The following DCC variants were observed in gnomAD, a reference collection of about 807,000 sequenced individuals.
The protein encoded by DCC is netrin receptor DCC.
Under a neutral mutation model 172.5 loss-of-function variants are expected in DCC, and 58 were observed. The ratio of observed to expected loss-of-function variants is 0.34; its 90% CI spans 0.27 to 0.42. The LOEUF (loss-of-function observed/expected upper bound fraction) is 0.42, where lower values mean the gene tolerates loss of function less well. Among genes scored for constraint, DCC ranks in the 10% least tolerant of loss-of-function variants. The pLI, the probability that DCC is intolerant of heterozygous loss-of-function variation, is 1.00. For synonymous variants in DCC, 709 were observed against 644.5 expected, an observed-to-expected ratio of 1.10 and a Z score of -1.52; for missense variants, 1,740 against 1,791.0, an observed-to-expected ratio of 0.97 and a Z score of 0.51.
At chr18:52,701,351 T>C (rs1381281936) in intron 1 of DCC, among the ~76,000 whole-genome samples, 1 of 152,216 alleles carries the variant, frequency 6.6e-6, no homozygotes, top group Admixed American at 6.5e-5. Context: ...TAAAAGGCCA[T>C]AGCTTGGGGC....
intron 1 of DCC, among the ~76,000 whole-genome samples, chr18:52,642,869 AC>A (rs2034937313): frequency 6.6e-6 from 1 of 152,066 alleles, no homozygotes; most frequent in Admixed American, 6.6e-5. Context: ...TTGCTATGTT[AC>A]CCAGTCTGGT....
At chr18:52,930,173 C>T (rs2040286279) in intron 5 of DCC, among the ~76,000 whole-genome samples, 1 of 151,702 alleles carries the variant, frequency 6.6e-6, no homozygotes, top group Non-Finnish European at 1.5e-5. Context: ...TTATATTGCC[C>T]AGGCTGATCT....
chr18:53,192,230 G>A (rs765841512), intron 9 of DCC, among the ~76,000 whole-genome samples: 7 of 152,146 alleles, frequency 4.6e-5, no homozygotes, highest in Admixed American at 2.0e-4. Flanking sequence ...AAATGTCAGC[G>A]AAATCGCAAA....
At chr18:53,484,238 C>T (rs2045875209) in intron 25 of DCC, among the ~76,000 whole-genome samples, 1 of 151,728 alleles carries the variant, frequency 6.6e-6, no homozygotes, top group African/African-American at 2.4e-5. Flanking sequence ...GTATTTGTTA[C>T]TCATTCAAGT....
Position 52,779,443 on chromosome 18 carries a change from T to C in DCC, c.412+27069T>C, listed in dbSNP as rs1275676160. On this transcript the variant is annotated intron_variant, in intron 2 of 28. Transcript: ENST00000442544. ...TCCTGTGTTAGTTTGCTGAGAATGA[T>C]AGTTTCCAACTTCATCCACGTCCCT... is the stretch of plus-strand genomic sequence containing the variant. Among the ~76,000 whole-genome samples, 6 of 142,644 alleles carry C rather than the reference T, an allele frequency of 4.2e-5. No individual in the cohort carries two copies. In the Admixed American group the frequency reaches 4.4e-4, roughly 11 times the overall value. 93.6% of individuals were successfully genotyped at this position (142,644 alleles called of 152,430 possible). A position where few individuals can be genotyped will look rare whatever the true frequency, so the allele number is the denominator to read the frequency against.
At chr18:52,477,158 G>C (rs949330165) in intron 1 of DCC, among the ~76,000 whole-genome samples, 13 of 152,098 alleles carry the variant, frequency 8.5e-5, no homozygotes, top group African/African-American at 3.1e-4. Flanking sequence ...TAGAGACATG[G>C]TGGTGATGGC....
At chr18:53,386,975 C>T (rs1427900915) in intron 16 of DCC, among the ~76,000 whole-genome samples, 4 of 152,186 alleles carry the variant, frequency 2.6e-5, no homozygotes, top group Non-Finnish European at 5.9e-5. Context: ...AAGTAAAACC[C>T]AAGTTCCCTC....
intron 1 of DCC, among the ~76,000 whole-genome samples, chr18:52,733,036 C>T (rs2036669665): frequency 6.6e-6 from 1 of 152,136 alleles, no homozygotes; most frequent in African/African-American, 2.4e-5. Flanking sequence ...GTAGCTACAG[C>T]CATGCTTAAC....
intron 22 of DCC, among the ~76,000 whole-genome samples, chr18:53,440,906 T>C (rs2145129759): frequency 6.6e-6 from 1 of 152,372 alleles, no homozygotes; most frequent in African/African-American, 2.4e-5. Context: ...CATCTGGACC[T>C]AGAAACTGTT....
At chr18:53,434,799 A>G (rs775126476) in intron 21 of DCC, among the ~76,000 whole-genome samples, 41 of 152,280 alleles carry the variant, frequency 2.7e-4, no homozygotes, top group Admixed American at 7.2e-4. Flanking sequence ...GACCTGAGTT[A>G]TTTCTGTTCT....
chr18:52,356,737 T>G (rs1323941117), intron 1 of DCC, among the ~76,000 whole-genome samples: 2 of 152,084 alleles, frequency 1.3e-5, no homozygotes, highest in African/African-American at 4.8e-5. Context: ...GGGCCAGCTA[T>G]TTATTTAAGA....
At chr18:52,766,661 T>G (rs1350044455) in intron 2 of DCC, among the ~76,000 whole-genome samples, 1 of 151,988 alleles carries the variant, frequency 6.6e-6, no homozygotes, top group Non-Finnish European at 1.5e-5. Context: ...GTCAAGCCAC[T>G]TCTCTCCAAT....
At position 53,128,904 on chromosome 18, in the gene DCC, T is replaced by C. The variant is rs571141407; in HGVS notation, c.1262-28452T>C. 4.7e-4 allele frequency among the ~76,000 whole-genome samples: 65 copies of C among 139,666 alleles called. 1 individual carries two copies. The South Asian group carries it at 0.013, about 29-fold the overall frequency. 91.6% of individuals were successfully genotyped at this position (139,666 alleles called of 152,430 possible). ...ATATATATATATATATATATATATA[T>C]TATTTGGAGTCTTGCTTTGTCATCC... On this transcript the variant is annotated intron_variant, in intron 7 of 28. Coordinates refer to ENST00000442544, the MANE Select transcript of DCC (RefSeq NM_005215.4).
intron 1 of DCC, among the ~76,000 whole-genome samples, chr18:52,420,874 A>C (rs547080921): frequency 1.3e-5 from 2 of 152,246 alleles, no homozygotes; most frequent in East Asian, 3.9e-4. Flanking sequence ...GAGTGTTAGC[A>C]TCTGGTGTGG....
chr18:52,566,087 A>T (rs1015205030), intron 1 of DCC, among the ~76,000 whole-genome samples: 1 of 152,146 alleles, frequency 6.6e-6, no homozygotes, highest in Non-Finnish European at 1.5e-5. Context: ...CCATTTATTA[A>T]ATAGGGAATC....
At chr18:52,746,476 A>T (rs937917074) in intron 1 of DCC, among the ~76,000 whole-genome samples, 28 of 152,098 alleles carry the variant, frequency 1.8e-4, no homozygotes, top group African/African-American at 6.5e-4. Flanking sequence ...CTGGAAAGAG[A>T]TTTCTGACTC....
At chr18:52,767,288 T>C (rs2037269622) in intron 2 of DCC, among the ~76,000 whole-genome samples, 1 of 152,158 alleles carries the variant, frequency 6.6e-6, no homozygotes, top group Non-Finnish European at 1.5e-5. Context: ...CACATCTCTT[T>C]AACCTCACTT....
chr18:52,929,817 A>AACACACACACACACACACAC (rs34457182), intron 5 of DCC, among the ~76,000 whole-genome samples: 24 of 144,878 alleles, frequency 1.7e-4, no homozygotes, highest in African/African-American at 5.6e-4. Context: ...GGACTTTGCA[A>AACACACACACACACACACAC]ACACACACAC....
At chr18:53,253,555 T>A (rs2056467656) in intron 12 of DCC, among the ~76,000 whole-genome samples, 1 of 152,046 alleles carries the variant, frequency 6.6e-6, no homozygotes, top group Admixed American at 6.6e-5. Context: ...ACCAGTTTGG[T>A]CTCATTATAA....
Sources: allele counts gnomAD v4.1 joint callset (sites outside exome capture counted in the v4.1 genomes callset), GRCh38; gene constraint gnomAD v4.1.1; transcripts MANE v1.5; gene names NCBI Gene and HGNC (gene_info 2026-07-23, HGNC 2026-07-21).